CTNNA3: variants seen among roughly 807,000 people sequenced by gnomAD.
CTNNA3 encodes catenin alpha-3.
Under a neutral mutation model 95.7 loss-of-function variants are expected in CTNNA3, and 76 were observed. The observed-to-expected ratio is 0.79, with a 90% CI of 0.66 to 0.96. CTNNA3 has a LOEUF of 0.96. Among genes scored for constraint, CTNNA3 ranks in the 40% least tolerant of loss-of-function variants. CTNNA3 has a pLI of 0.00. For missense variants in CTNNA3, 1,191 were observed against 1,089.8 expected (o/e 1.09, Z -1.31); for synonymous variants, 431 against 374.4 (o/e 1.15, Z -1.74).
At chr10:66,938,862 A>T (rs1847855745) in intron 7 of CTNNA3, among the ~76,000 whole-genome samples, 1 of 152,152 alleles carries the variant, frequency 6.6e-6, no homozygotes, top group Admixed American at 6.5e-5. Context: ...CTGCGAATAC[A>T]CCTTCATTTT....
chr10:67,338,618 G>C (rs1381693489), intron 5 of CTNNA3, among the ~76,000 whole-genome samples: 3 of 152,084 alleles, frequency 2.0e-5, no homozygotes, highest in Admixed American at 1.3e-4. Context: ...TCATAAATGA[G>C]ACTCAGAATA....
At chr10:66,737,355 C>A (rs1849178363) in intron 9 of CTNNA3, among the ~76,000 whole-genome samples, 1 of 152,030 alleles carries the variant, frequency 6.6e-6, no homozygotes, top group African/African-American at 2.4e-5. Context: ...TTTTAAAAAT[C>A]TTTATGTTGA....
intron 11 of CTNNA3, among the ~76,000 whole-genome samples, chr10:66,436,234 A>G (rs1265487324): frequency 6.6e-6 from 1 of 152,134 alleles, no homozygotes; most frequent in South Asian, 2.1e-4. Context: ...TATCCTTGTT[A>G]ATTTTCTGTC....
chr10:66,356,010 C>A (rs1456819243), intron 12 of CTNNA3, among the ~76,000 whole-genome samples: 1 of 149,968 alleles, frequency 6.7e-6, no homozygotes, highest in East Asian at 1.9e-4. Flanking sequence ...CAAATGACCT[C>A]ATTGATCTAT....
At chr10:66,947,798 T>C (rs1488023007) in intron 7 of CTNNA3, among the ~76,000 whole-genome samples, 3 of 152,180 alleles carry the variant, frequency 2.0e-5, no homozygotes. Context: ...GACACTAAGT[T>C]AGGCTGGCCA....
chr10:66,003,344 G>A (rs975303203), intron 15 of CTNNA3, among the ~76,000 whole-genome samples: 1 of 151,960 alleles, frequency 6.6e-6, no homozygotes, highest in African/African-American at 2.4e-5. Flanking sequence ...GTGTGTGTGT[G>A]TGTGGAGAGA....
At chr10:66,382,486 T>C (rs2092849327) in intron 11 of CTNNA3, among the ~76,000 whole-genome samples, 2 of 152,066 alleles carry the variant, frequency 1.3e-5, no homozygotes, top group South Asian at 4.2e-4. Flanking sequence ...CTAGACTCCA[T>C]CTCTTGGGCA....
chr10:66,843,615 A>C (rs1843146108), intron 7 of CTNNA3, among the ~76,000 whole-genome samples: 1 of 152,228 alleles, frequency 6.6e-6, no homozygotes, highest in Non-Finnish European at 1.5e-5. Context: ...TTGACAGAGT[A>C]GGGAAAGCAT....
intron 5 of CTNNA3, among the ~76,000 whole-genome samples, chr10:67,276,629 A>G (rs1383048084): frequency 6.6e-6 from 1 of 152,124 alleles, no homozygotes; most frequent in Non-Finnish European, 1.5e-5. Flanking sequence ...AGTAAACTAT[A>G]TAAAATTATA....
intron 13 of CTNNA3, among the ~76,000 whole-genome samples, chr10:66,119,591 T>C (rs1303532026): frequency 2.0e-5 from 3 of 152,184 alleles, no homozygotes; most frequent in Admixed American, 6.5e-5. Flanking sequence ...AAAGCTTTTT[T>C]AGGCTTTAAC....
At chr10:66,557,718 C>T (rs1564531712) in intron 10 of CTNNA3, among the ~76,000 whole-genome samples, 1 of 152,126 alleles carries the variant, frequency 6.6e-6, no homozygotes, top group Non-Finnish European at 1.5e-5. Flanking sequence ...TATCTCCTTA[C>T]TTGGTTTTCA....
chr10:66,262,036 A>C (rs1389778268), intron 13 of CTNNA3, among the ~76,000 whole-genome samples: 8 of 151,908 alleles, frequency 5.3e-5, no homozygotes, highest in African/African-American at 1.7e-4. Context: ...GTCTCAGCAT[A>C]TTGACTTTTT....
chr10:67,407,932 G>A (rs932910754), intron 5 of CTNNA3, among the ~76,000 whole-genome samples: 2 of 151,222 alleles, frequency 1.3e-5, no homozygotes, highest in African/African-American at 4.9e-5. Flanking sequence ...CAAACAAATG[G>A]GAAATCATTC....
At chr10:67,409,711 A>T (rs1241678381) in intron 5 of CTNNA3, among the ~76,000 whole-genome samples, 1 of 152,204 alleles carries the variant, frequency 6.6e-6, no homozygotes, top group Non-Finnish European at 1.5e-5. Flanking sequence ...CTATGTAACA[A>T]ACCTGCAAAT....
At chr10:66,842,162 T>G (rs1843088628) in intron 7 of CTNNA3, among the ~76,000 whole-genome samples, 1 of 151,964 alleles carries the variant, frequency 6.6e-6, no homozygotes, top group African/African-American at 2.4e-5. Context: ...AGGCTGGTCT[T>G]GAACCTCAGG....
chr10:66,366,668 T>C (rs1357294057), intron 12 of CTNNA3, among the ~76,000 whole-genome samples: 1 of 152,156 alleles, frequency 6.6e-6, no homozygotes, highest in Non-Finnish European at 1.5e-5. Flanking sequence ...GAGCAATAAA[T>C]TTCTGTTGTT....
intron 9 of CTNNA3, among the ~76,000 whole-genome samples, chr10:66,722,898 C>T (rs1459381393): frequency 2.0e-5 from 3 of 152,058 alleles, no homozygotes; most frequent in South Asian, 4.1e-4. Flanking sequence ...AGGATTGGGA[C>T]TCAAGAGATT....
intron 7 of CTNNA3, among the ~76,000 whole-genome samples, chr10:66,872,367 T>A (rs1589362497): frequency 1.3e-5 from 2 of 152,264 alleles, no homozygotes; most frequent in East Asian, 3.9e-4. Context: ...GTTTATGTTA[T>A]TTTTCAAAAA....
At chr10:66,136,984 G>T (rs1042085131) in intron 13 of CTNNA3, among the ~76,000 whole-genome samples, 1 of 152,004 alleles carries the variant, frequency 6.6e-6, no homozygotes, top group African/African-American at 2.4e-5. Context: ...ACCATGCCCA[G>T]CTATTTTTGT....
Sources: allele counts gnomAD v4.1 joint callset (sites outside exome capture counted in the v4.1 genomes callset), GRCh38; gene constraint gnomAD v4.1.1; transcripts MANE v1.5; gene names NCBI Gene and HGNC (gene_info 2026-07-23, HGNC 2026-07-21).